ATG9A: variants seen among roughly 807,000 people sequenced by gnomAD.
ATG9A encodes the protein autophagy related 9A.
In ATG9A, 21 loss-of-function variants were observed where a neutral mutation model predicts 87.1. The ratio of observed to expected loss-of-function variants is 0.24; its 90% CI spans 0.17 to 0.35. The LOEUF is 0.35. ATG9A is among the 10% of genes least tolerant of loss of function. ATG9A has a pLI of 1.00. For synonymous variants in ATG9A, 422 were observed against 441.3 expected, an observed-to-expected ratio of 0.96 and a Z score of 0.55; for missense variants, 836 against 1,107.3, an observed-to-expected ratio of 0.76 and a Z score of 3.48.
At position 219,223,886 on chromosome 2, in the gene ATG9A, G is replaced by A. The variant is rs757133619; in HGVS notation, c.1402C>T (p.Leu468Phe). ...RSQTRDEFAQ[L>F]FQYKAVFILE... ...CCACTCACTGCCTTGTACTGGAAGAGCTGGGCAAACTCGTCCCGGGTCTGC... is the reference window on the plus strand; with the variant it reads ...CCACTCACTGCCTTGTACTGGAAGAACTGGGCAAACTCGTCCCGGGTCTGC... The change falls in exon 9 of 16, where the codon CTC (leucine) becomes TTC (phenylalanine). Residue 468 changes from leucine to phenylalanine, a missense_variant. Physicochemically the swap from Leu to Phe is conservative, Grantham distance 22. Around this residue, in one of 2 missense-constraint regions of ATG9A, gnomAD observed 512 missense variants for 759.6 expected, o/e 0.67. Transcript: ENST00000361242. This position sits in a 1 kb window ranked among gnomAD's most constrained non-coding sequence, Gnocchi z 4.7. The A allele has an allele frequency of 7.4e-6, 12 of 1,614,082 alleles. No homozygotes were observed. The highest frequency in any genetic ancestry group is 1.3e-5 in the African/African-American group (1 of 74,928).
Position 219,222,410 on chromosome 2 carries a change from C to A in ATG9A, c.1889G>T (p.Cys630Phe). 6.3e-7 allele frequency: 1 copy of A among 1,581,116 alleles called. No individual in the cohort carries two copies. The highest frequency in any genetic ancestry group is 8.6e-7 in the Non-Finnish European group (1 of 1,164,496). The stretch of plus-strand genomic sequence containing the variant: ...GTCTCTGGGCAGTGGAGGGCCCCGG[C>A]AGGATGAGCCAGCTACCACATTTGC... ...LIANVVAGSS[C>F]RGPPLPRDLQ... The change falls in exon 12 of 16, where the codon TGC (cysteine) becomes TTC (phenylalanine). Residue 630 changes from cysteine to phenylalanine, a missense_variant. By Grantham distance (205) the Cys-to-Phe change is radical. This residue lies in a region of ATG9A where 324 missense variants were observed against 347.6 expected (regional missense o/e 0.93). Coordinates refer to ENST00000361242, the MANE Select transcript of ATG9A (RefSeq NM_001077198.3). The surrounding 1 kb of genome is among the most constrained non-coding windows in gnomAD (Gnocchi z 4.3).
intron 15 of ATG9A, 140 bp downstream of exon 15, chr2:219,220,607 G>C (rs1014198179): frequency 2.7e-6 from 4 of 1,481,998 alleles, no homozygotes; most frequent in Non-Finnish European, 3.7e-6. Flanking sequence ...GTTGAGAAAA[G>C]AAGGGGTAGT....
Position 219,224,054 on chromosome 2 carries a change from G to A in ATG9A, c.1266-32C>T, listed in dbSNP as rs1238228191. 2.2e-5 allele frequency: 36 copies of A among 1,605,526 alleles called. No homozygotes were observed. Among genetic ancestry groups the A allele is most frequent in the Non-Finnish European group, 3.1e-5 (36 of 1,174,830 alleles). ...GGATCAGGATCATGGTGAGATGTATGCCTTTCCCAGGAATGCTAGCCGGCT... is the reference window on the plus strand; with the variant it reads ...GGATCAGGATCATGGTGAGATGTATACCTTTCCCAGGAATGCTAGCCGGCT... On this transcript the variant is annotated intron_variant, in intron 8 of 15. Transcript: ENST00000361242. The surrounding 1 kb of genome is among the most constrained non-coding windows in gnomAD (Gnocchi z 7.7).
At chr2:219,228,744 G>T (rs1453368843) in intron 1 of ATG9A, 1 of 152,256 alleles carries the variant, frequency 6.6e-6, no homozygotes, top group Non-Finnish European at 1.5e-5. Context: ...CCTGAGGCCA[G>T]GGGCGCCTCT....
chr2:219,221,071 A>C lies in ATG9A; in HGVS notation c.2368+9T>G. The C allele has an allele frequency of 6.2e-7, 1 of 1,612,108 alleles. No homozygotes were observed. Among genetic ancestry groups the C allele is most frequent in the Non-Finnish European group, 8.5e-7 (1 of 1,179,146 alleles). ...AGCCTCTGTTTCCTCCTATACCCCCACTGGATACCTGTGATGCCACCGTAG... is the reference window on the plus strand; with the variant it reads ...AGCCTCTGTTTCCTCCTATACCCCCCCTGGATACCTGTGATGCCACCGTAG... On this transcript the variant is annotated intron_variant, in intron 14 of 15. Coordinates refer to ENST00000361242, the MANE Select transcript of ATG9A (RefSeq NM_001077198.3).
In ATG9A at chr2:219,223,737, G is replaced by A. The variant is rs1219799145; in HGVS notation, c.1447C>T (p.Pro483Ser). Reference protein sequence around the residue: ...AVFILEELLSPIVTPLILIFC... With the variant: ...AVFILEELLSSIVTPLILIFC... ...ATGAGGATGAGGGGTGTGACAATGGGGCTCAGCAACTCTTCCAAAATGAAC... is the reference window on the plus strand; with the variant it reads ...ATGAGGATGAGGGGTGTGACAATGGAGCTCAGCAACTCTTCCAAAATGAAC... The change falls in exon 10 of 16, where the codon CCC becomes TCC. Residue 483 changes from proline to serine, a missense_variant. Physicochemically the swap from Pro to Ser is moderately conservative, Grantham distance 74 (BLOSUM62 -1). This residue lies in a region of ATG9A where 512 missense variants were observed against 759.6 expected (regional missense o/e 0.67). Transcript: ENST00000361242. This position sits in a 1 kb window ranked among gnomAD's most constrained non-coding sequence, Gnocchi z 4.7. 1 of 1,613,094 alleles carries A rather than the reference G, an allele frequency of 6.2e-7. No individual in the cohort carries two copies. Among genetic ancestry groups the A allele is most frequent in the Non-Finnish European group, 8.5e-7 (1 of 1,179,546 alleles).
At chr2:219,220,678 T>C in intron 15 of ATG9A, 69 bp downstream of exon 15, 1 of 1,578,520 alleles carries the variant, frequency 6.3e-7, no homozygotes, top group Non-Finnish European at 8.6e-7. Context: ...TTCCTTCCCC[T>C]GAAAAGCTGT....
In ATG9A at chr2:219,224,961, C is replaced by A; in HGVS notation, c.517-107G>T. 3 of 1,577,314 alleles carry A rather than the reference C, an allele frequency of 1.9e-6. No homozygotes were observed. The highest frequency in any genetic ancestry group is 2.6e-6 in the Non-Finnish European group (3 of 1,154,548). On this transcript the variant is annotated intron_variant, in intron 7 of 15. Transcript: ENST00000361242. The surrounding 1 kb of genome is among the most constrained non-coding windows in gnomAD (Gnocchi z 7.7). The stretch of plus-strand genomic sequence containing the variant: ...ATTCAGGGGTTGTGAGCTTAAGAGA[C>A]AGTTCCTGATTTGTCAATGACAGAT...
chr2:219,225,114 C>T lies in ATG9A; in HGVS notation c.473G>A (p.Trp158Ter), dbSNP rs767214263. 1 of 1,614,148 alleles carries T rather than the reference C, an allele frequency of 6.2e-7. No individual in the cohort carries two copies. Among genetic ancestry groups the T allele is most frequent in the Non-Finnish European group, 8.5e-7 (1 of 1,180,030 alleles). ...GTGCAGGTAGAAGGAGTGGATCTCCCAGTAGCAGCAAATGTTATAGATGAA... is the reference window on the plus strand; with the variant it reads ...GTGCAGGTAGAAGGAGTGGATCTCCTAGTAGCAGCAAATGTTATAGATGAA... ...IKFIYNICCY[W>*]EIHSFYLHAL... The change falls in exon 7 of 16, where the codon TGG becomes TAG. Residue 158 changes from tryptophan (W) to a stop codon, truncating the protein, a stop_gained. Coordinates refer to ENST00000361242, the MANE Select transcript of ATG9A (RefSeq NM_001077198.3). LOFTEE classifies it high-confidence loss of function.
At chr2:219,221,514 C>A (rs1165231739) in intron 13 of ATG9A, among the ~76,000 whole-genome samples, 1 of 152,106 alleles carries the variant, frequency 6.6e-6, no homozygotes, top group East Asian at 1.9e-4. Context: ...GTTGTAATGG[C>A]CCTCATTTTA....
intron 15 of ATG9A, 97 bp from the exon 16 acceptor site, chr2:219,220,549 T>G: frequency 6.4e-7 from 1 of 1,556,086 alleles, no homozygotes; most frequent in East Asian, 2.3e-5. Flanking sequence ...ACAGGAAAGG[T>G]TGATTCCTGG....
rs1191108684 is a variant in ATG9A, at chr2:219,225,520, A to G, written c.265T>C (p.Tyr89His). ...FTTFLVSCVD[Y>H]DILFANKMVN... ...ATCTTGTTGGCAAATAGGATGTCAT[A>G]GTCCACGCAGCTGACCAGGAAGGTA... Residue 89 changes from tyrosine (Y) to histidine (H), a missense_variant, in exon 6 of 16, where the codon TAT (tyrosine) becomes CAT (histidine). Coordinates refer to ENST00000361242, the MANE Select transcript of ATG9A (RefSeq NM_001077198.3). 1.9e-6 allele frequency: 3 copies of G among 1,614,224 alleles called. No homozygotes were observed. Among genetic ancestry groups the G allele is most frequent in the Non-Finnish European group, 2.5e-6 (3 of 1,180,030 alleles).
chr2:219,220,643 T>C, intron 15 of ATG9A, 104 bp downstream of exon 15: 2 of 1,514,852 alleles, frequency 1.3e-6, no homozygotes, highest in Non-Finnish European at 1.8e-6. Context: ...GGGTACAGTA[T>C]CTCTGTGTGG....
rs771536608 is a variant in ATG9A, at chr2:219,220,893, C to CT, written c.2369-2dup. On this transcript the variant is annotated splice_acceptor_variant, in intron 14 of 15. Transcript: ENST00000361242. LOFTEE classifies it high-confidence loss of function. ...GGAACCCTGGGCACTGTGCCAGGAT[C>CT]TGGAGAGACAAGTAAGAGTAAGCAT... 3 of 1,612,140 alleles carry CT rather than the reference C, an allele frequency of 1.9e-6. No homozygotes were observed. Among genetic ancestry groups the CT allele is most frequent in the Non-Finnish European group, 2.5e-6 (3 of 1,179,792 alleles).
chr2:219,224,973 T>C lies in ATG9A; in HGVS notation c.516+98A>G. On this transcript the variant is annotated intron_variant, in intron 7 of 15. Transcript: ENST00000361242. The surrounding 1 kb of genome is among the most constrained non-coding windows in gnomAD (Gnocchi z 7.7). ...TGAGCTTAAGAGACAGTTCCTGATT[T>C]GTCAATGACAGATAAGGATAACTGA... is the stretch of plus-strand genomic sequence containing the variant. The C allele has an allele frequency of 3.8e-6, 6 of 1,577,894 alleles. No homozygotes were observed. The South Asian group carries it at 6.8e-5, about 18-fold the overall frequency.
rs377070292 is a variant in ATG9A, at chr2:219,227,744, C to G, written c.147+26G>C. ...TAGAGAGACATTAAAGGTCCCAGAG[C>G]TCCAACTCAGAAACACAAAGGATAT... is the stretch of plus-strand genomic sequence containing the variant. On this transcript the variant is annotated intron_variant, in intron 4 of 15. Transcript: ENST00000361242. 7 of 1,612,832 alleles carry G rather than the reference C, an allele frequency of 4.3e-6. No individual in the cohort carries two copies. In the African/African-American group the frequency reaches 9.3e-5, roughly 22 times the overall value.
intron 4 of ATG9A, among the ~76,000 whole-genome samples, 162 bp from the exon 5 acceptor site, chr2:219,227,095 A>G (rs1420711317): frequency 6.6e-6 from 1 of 152,274 alleles, no homozygotes; most frequent in African/African-American, 2.4e-5. Flanking sequence ...ATGGTGGTAC[A>G]TTAGGAATAA....
rs1440688420 is a variant in ATG9A, at chr2:219,224,671, G to C, written c.700C>G (p.Leu234Val). ...NKSLLPLRFR[L>V]PGLGEAVFFT... The stretch of plus-strand genomic sequence containing the variant: ...AAGACAGCTTCCCCGAGGCCAGGCA[G>C]GCGGAAGCGCAGAGGCAGGAGGGAT... The change falls in exon 8 of 16, where the codon CTG becomes GTG. Residue 234 changes from leucine (L) to valine (V), a missense_variant. Transcript: ENST00000361242. The surrounding 1 kb of genome is among the most constrained non-coding windows in gnomAD (Gnocchi z 7.7). 6.2e-7 allele frequency: 1 copy of C among 1,614,112 alleles called. No individual in the cohort carries two copies. Among genetic ancestry groups the C allele is most frequent in the African/African-American group, 1.3e-5 (1 of 74,946 alleles).
chr2:219,224,214 G>T lies in ATG9A; in HGVS notation c.1157C>A (p.Ser386Tyr). 6.2e-7 allele frequency: 1 copy of T among 1,613,842 alleles called. No homozygotes were observed. The highest frequency in any genetic ancestry group is 8.5e-7 in the Non-Finnish European group (1 of 1,180,052). The change falls in exon 8 of 16, where the codon TCC becomes TAC. Residue 386 changes from serine to tyrosine, a missense_variant. Physicochemically the swap from Ser to Tyr is moderately radical, Grantham distance 144. Transcript: ENST00000361242. This position sits in a 1 kb window ranked among gnomAD's most constrained non-coding sequence, Gnocchi z 7.7. ...LAKNGAFFAG[S>Y]ILAVLIALTI... is the part of the protein sequence containing the mutation. ...GAGGGCAATAAGCACAGCCAGGATG[G>T]AGCCAGCGAAGAAGGCTCCATTCTT... is the stretch of plus-strand genomic sequence containing the variant.
Sources: gnomAD v4.1 joint callset for allele counts (sites outside exome capture counted in the v4.1 genomes callset) on GRCh38, gnomAD v4.1.1 for gene constraint, gnomAD v4.1.1 regional missense constraint, Gnocchi (gnomAD v3.1) non-coding constraint, MANE v1.5 for transcripts, NCBI Gene and HGNC (gene_info 2026-07-23, HGNC 2026-07-21) for gene names.